The following UBXN2B variants were observed in gnomAD, a reference collection of about 807,000 sequenced individuals.
UBXN2B encodes the protein UBX domain-containing protein 2B.
Under a neutral mutation model 37.5 loss-of-function variants are expected in UBXN2B, and 19 were observed. The observed-to-expected ratio is 0.51, with a 90% CI of 0.35 to 0.74. UBXN2B has a LOEUF of 0.74. UBXN2B is among the 30% of genes least tolerant of loss of function. The pLI is 0.01. For missense variants in UBXN2B, 370 were observed against 393.2 expected (o/e 0.94, Z 0.50); for synonymous variants, 145 against 143.8 (o/e 1.01, Z -0.06).
intron 6 of UBXN2B, among the ~76,000 whole-genome samples, chr8:58,440,881 G>A (rs1808520753): frequency 6.6e-6 from 1 of 152,134 alleles, no homozygotes; most frequent in Non-Finnish European, 1.5e-5. Context: ...AGGAAATACA[G>A]GAATTTATGT....
intron 1 of UBXN2B, among the ~76,000 whole-genome samples, chr8:58,414,434 C>T (rs1807719699): frequency 6.6e-6 from 1 of 152,152 alleles, no homozygotes; most frequent in Admixed American, 6.5e-5. Flanking sequence ...CACCCGATTC[C>T]TTTGCTTTCA....
At chr8:58,442,531 A>G (rs1808574703) in intron 6 of UBXN2B, among the ~76,000 whole-genome samples, 1 of 152,222 alleles carries the variant, frequency 6.6e-6, no homozygotes. Flanking sequence ...TACACACAGA[A>G]TGTTACATAG....
At chr8:58,442,504 A>G (rs977446052) in intron 6 of UBXN2B, among the ~76,000 whole-genome samples, 1 of 152,262 alleles carries the variant, frequency 6.6e-6, no homozygotes, top group Non-Finnish European at 1.5e-5. Flanking sequence ...ATTGTCTTCC[A>G]TAGATGGCAG....
At chr8:58,437,908 T>C (rs1466881657) in intron 5 of UBXN2B, among the ~76,000 whole-genome samples, 1 of 151,386 alleles carries the variant, frequency 6.6e-6, no homozygotes, top group Non-Finnish European at 1.5e-5. Flanking sequence ...ATCAAGATGA[T>C]GGGAAGAAAG....
rs965752417 is a variant in UBXN2B, at chr8:58,435,037, T to C, written c.533+533T>C. On this transcript the variant is annotated intron_variant, in intron 5 of 7. Coordinates refer to ENST00000399598, the MANE Select transcript of UBXN2B (RefSeq NM_001077619.2). Reference sequence around the variant, plus strand: ...GAACATTGTAACTTACCAGCTCTTCTTGCTAAAGGATGAGGAATCAAGTGA... The same window carrying C: ...GAACATTGTAACTTACCAGCTCTTCCTGCTAAAGGATGAGGAATCAAGTGA... 4.8e-6 allele frequency: 7 copies of C among 1,470,872 alleles called. No homozygotes were observed. The African/African-American group carries it at 9.9e-5, about 21-fold the overall frequency. The allele number at this position is 1,470,872 out of a possible 1,614,324, so 91.1% of individuals were successfully genotyped here. A position where few individuals can be genotyped will look rare whatever the true frequency, so the allele number is the denominator to read the frequency against.
intron 4 of UBXN2B, among the ~76,000 whole-genome samples, 189 bp downstream of exon 4, chr8:58,433,432 A>G (rs1323667186): frequency 6.6e-6 from 1 of 152,140 alleles, no homozygotes; most frequent in Non-Finnish European, 1.5e-5. Context: ...TATGCCTTGC[A>G]CTTAGAGATA....
At position 58,426,621 on chromosome 8, in the gene UBXN2B, A is replaced by G. The variant is rs563374907; in HGVS notation, c.189-3898A>G. 12 of 746,242 alleles carry G rather than the reference A, an allele frequency of 1.6e-5. No individual in the cohort carries two copies. In the African/African-American group the frequency reaches 1.7e-4, roughly 11 times the overall value. 46.2% of individuals were successfully genotyped at this position (746,242 alleles called of 1,614,324 possible). ...CAAAAAACTGCTGTCAGCTCCTCTT[A>G]TCAACAGTGGGTTTTCTGCCTCCAC... On this transcript the variant is annotated intron_variant, in intron 2 of 7. Coordinates refer to ENST00000399598, the MANE Select transcript of UBXN2B (RefSeq NM_001077619.2).
At chr8:58,414,791 A>G (rs963233560) in intron 1 of UBXN2B, among the ~76,000 whole-genome samples, 5 of 152,130 alleles carry the variant, frequency 3.3e-5, no homozygotes, top group African/African-American at 9.6e-5. Context: ...TCTTTCAGCC[A>G]GGTAGACTCT....
chr8:58,411,459 G>T lies in UBXN2B; in HGVS notation c.74G>T (p.Arg25Leu), dbSNP rs750281670. 8.0e-7 allele frequency: 1 copy of T among 1,254,368 alleles called. No homozygotes were observed. Among genetic ancestry groups the T allele is most frequent in the Admixed American group, 4.2e-5 (1 of 23,722 alleles). 77.7% of individuals were successfully genotyped at this position (1,254,368 alleles called of 1,614,324 possible). ...RSSGPRPPSA[R>L]DLQLALAELY... The stretch of plus-strand genomic sequence containing the variant: ...TCCGGGCCGCGGCCTCCGAGCGCGC[G>T]GGATTTGCAGGTGAGGCGAGGAGCC... Residue 25 changes from arginine (R) to leucine (L), a missense_variant, in exon 1 of 8, where the codon CGG (arginine) becomes CTG (leucine). Arg to Leu is a moderately radical substitution (Grantham distance 102). Around this residue, in one of 3 missense-constraint regions of UBXN2B, gnomAD observed 197 missense variants for 170.2 expected, o/e 1.16. Coordinates refer to ENST00000399598, the MANE Select transcript of UBXN2B (RefSeq NM_001077619.2).
intron 4 of UBXN2B, 43 bp from the exon 5 acceptor site, chr8:58,434,348 AATAT>A (rs34843413): frequency 0.061 from 23,544 of 383,314 alleles, 474 homozygotes; most frequent in East Asian, 0.083. Context: ...TGTATATGTG[AATAT>A]ATATATATAT....
intron 6 of UBXN2B, among the ~76,000 whole-genome samples, chr8:58,445,008 G>T (rs1031825434): frequency 1.3e-5 from 2 of 152,128 alleles, no homozygotes; most frequent in African/African-American, 4.8e-5. Flanking sequence ...TCTTCCAGAA[G>T]AAAATAATCT....
At chr8:58,414,809 C>T (rs1175767218) in intron 1 of UBXN2B, among the ~76,000 whole-genome samples, 1 of 152,118 alleles carries the variant, frequency 6.6e-6, no homozygotes, top group Admixed American at 6.5e-5. Context: ...TCTTTAATAT[C>T]ATTTTCCTCA....
chr8:58,445,103 C>T (rs754802024), intron 6 of UBXN2B, among the ~76,000 whole-genome samples: 3 of 152,114 alleles, frequency 2.0e-5, no homozygotes, highest in Non-Finnish European at 4.4e-5. Context: ...GAAAATTGAG[C>T]TAAATTTATT....
chr8:58,429,173 G>T (rs1808182897), intron 2 of UBXN2B, among the ~76,000 whole-genome samples: 1 of 152,238 alleles, frequency 6.6e-6, no homozygotes, highest in African/African-American at 2.4e-5. Flanking sequence ...CACTTTGCCA[G>T]ATTAGAGATG....
At chr8:58,435,056 CA>C in intron 5 of UBXN2B, 1 of 1,443,736 alleles carries the variant, frequency 6.9e-7, no homozygotes. Context: ...GATGAGGAAT[CA>C]AGTGATTTTG....
intron 6 of UBXN2B, among the ~76,000 whole-genome samples, chr8:58,445,402 G>C (rs1414493741): frequency 2.0e-5 from 3 of 152,186 alleles, no homozygotes; most frequent in Non-Finnish European, 4.4e-5. Context: ...TGAATTTAGT[G>C]CTGATAATAT....
chr8:58,412,111 TACTA>T (rs1400343437), intron 1 of UBXN2B, among the ~76,000 whole-genome samples: 1 of 152,252 alleles, frequency 6.6e-6, no homozygotes, highest in African/African-American at 2.4e-5. Context: ...TTTTATCAGA[TACTA>T]ACGCCACTTT....
At chr8:58,442,622 A>T (rs748201931) in intron 6 of UBXN2B, among the ~76,000 whole-genome samples, 1 of 152,250 alleles carries the variant, frequency 6.6e-6, no homozygotes, top group African/African-American at 2.4e-5. Context: ...GTACCCTCAC[A>T]TAATAGAAGA....
At chr8:58,443,550 T>G (rs1585619972) in intron 6 of UBXN2B, among the ~76,000 whole-genome samples, 1 of 150,446 alleles carries the variant, frequency 6.6e-6, no homozygotes, top group South Asian at 2.1e-4. Context: ...CCCAGCACTT[T>G]GGGAGGCCGA....
Sources: gnomAD v4.1 joint callset for allele counts (sites outside exome capture counted in the v4.1 genomes callset) on GRCh38, gnomAD v4.1.1 for gene constraint, gnomAD v4.1.1 regional missense constraint, MANE v1.5 for transcripts, NCBI Gene and HGNC (gene_info 2026-07-23, HGNC 2026-07-21) for gene names.